CUX1: variants seen among roughly 807,000 people sequenced by gnomAD.
CUX1 encodes cut like homeobox 1, also known as protein CASP.
CUX1 carries 31 observed loss-of-function variants against 158.8 expected under a neutral mutation model. That is an observed-to-expected ratio of 0.20 (90% confidence interval 0.15 to 0.26). CUX1 has a LOEUF of 0.26. Among genes scored for constraint, CUX1 ranks in the 10% least tolerant of loss-of-function variants. The probability of loss-of-function intolerance (pLI) is 1.00; values close to 1 mark genes in which losing one functional copy is unlikely to be tolerated. For missense variants in CUX1, 1,589 were observed against 2,014.6 expected, an observed-to-expected ratio of 0.79 and a Z score of 4.04; for synonymous variants, 879 against 862.1, an observed-to-expected ratio of 1.02 and a Z score of -0.34.
chr7:102,260,657 C>A (rs1165770428), downstream of CUX1, among the ~76,000 whole-genome samples: 7 of 133,590 alleles, frequency 5.2e-5, no homozygotes, highest in Non-Finnish European at 1.5e-5. Context: ...CTCCTGACTT[C>A]AAGTGATCTG....
rs569075867 is a variant in CUX1 at position 102,166,056 on chromosome 7, G to A, written c.724-4390G>A. ...CCAAAAGGGTCTTCCATTTTGAGATGAGGAGGATGTGAGGTGTGCCTGGGG... is the reference window on the plus strand; with the variant it reads ...CCAAAAGGGTCTTCCATTTTGAGATAAGGAGGATGTGAGGTGTGCCTGGGG... On this transcript the variant is annotated intron_variant, in intron 9 of 23. Coordinates refer to ENST00000292535, the MANE Select transcript of CUX1 (RefSeq NM_181552.4). Among the ~76,000 whole-genome samples the A allele has an allele frequency of 6.9e-4, 105 of 152,284 alleles. No homozygotes were observed. The South Asian group carries it at 0.019, about 27-fold the overall frequency.
chr7:101,857,648 C>T (rs1009505570), intron 1 of CUX1, among the ~76,000 whole-genome samples: 4 of 152,220 alleles, frequency 2.6e-5, no homozygotes, highest in African/African-American at 7.2e-5. Flanking sequence ...CTGGCTGGGT[C>T]GGATGACCCC....
intron 2 of CUX1, among the ~76,000 whole-genome samples, chr7:101,936,913 C>G (rs1021561994): frequency 6.6e-6 from 1 of 152,204 alleles, no homozygotes; most frequent in East Asian, 1.9e-4. Context: ...ATAAAAACCT[C>G]CTGGGTGTGT....
chr7:102,090,324 T>C (rs1408492666), intron 4 of CUX1, among the ~76,000 whole-genome samples: 11 of 152,122 alleles, frequency 7.2e-5, no homozygotes, highest in Admixed American at 7.2e-4. Context: ...TGAGAAGGTA[T>C]TTGTTGAAAC....
chr7:101,956,059 G>A (rs576807003), intron 2 of CUX1, among the ~76,000 whole-genome samples: 6 of 142,264 alleles, frequency 4.2e-5, no homozygotes, highest in South Asian at 4.6e-4. Flanking sequence ...GCACATGCCT[G>A]TAGTCCCAGC....
At chr7:102,229,808 G>A (rs1308278526) in intron 21 of CUX1, among the ~76,000 whole-genome samples, 4 of 151,900 alleles carry the variant, frequency 2.6e-5, no homozygotes, top group African/African-American at 9.7e-5. Context: ...AGTAGAGACA[G>A]AGTTTCACCA....
rs774436894 is a variant in CUX1, at chr7:101,865,005, CT to C, written c.30+47344del. 1.1e-4 allele frequency among the ~76,000 whole-genome samples: 16 copies of C among 152,234 alleles called. No individual in the cohort carries two copies. In the East Asian group the frequency reaches 2.5e-3, roughly 24 times the overall value. On this transcript the variant is annotated intron_variant, in intron 1 of 23. Transcript: ENST00000292535. ...ACATGGTATTATTCATGATGTATAT[CT>C]TTTTTTTAAATGTTTTGTAGAATCG...
At chr7:102,130,106 C>A (rs1420438607) in intron 8 of CUX1, among the ~76,000 whole-genome samples, 44 of 152,184 alleles carry the variant, frequency 2.9e-4, no homozygotes, top group Admixed American at 2.9e-3. Context: ...AGGAATGTCT[C>A]CAATTGCCAG....
intron 1 of CUX1, among the ~76,000 whole-genome samples, chr7:101,889,392 G>T (rs867067012): frequency 5.3e-5 from 8 of 152,142 alleles, no homozygotes; most frequent in Non-Finnish European, 7.3e-5. Context: ...GGCCTTTGAG[G>T]CTGGAAAACA....
At chr7:101,997,591 G>A (rs942300319) in intron 2 of CUX1, among the ~76,000 whole-genome samples, 2 of 152,038 alleles carry the variant, frequency 1.3e-5, no homozygotes, top group African/African-American at 4.8e-5. Context: ...TGATCCTCCC[G>A]CCTCAGCCTC....
intron 2 of CUX1, among the ~76,000 whole-genome samples, chr7:102,002,745 G>A (rs1383221290): frequency 6.6e-6 from 1 of 152,150 alleles, no homozygotes; most frequent in Non-Finnish European, 1.5e-5. Context: ...AGTGCTCTCT[G>A]CAGATCTGTG....
rs1795391130 is a variant in CUX1, at chr7:102,201,146, G to A, written c.2063-214G>A. 6.6e-6 allele frequency among the ~76,000 whole-genome samples: 1 copy of A among 151,496 alleles called. No individual in the cohort carries two copies. Among genetic ancestry groups the A allele is most frequent in the Admixed American group, 6.6e-5 (1 of 15,170 alleles). ...CCTCTACATCTGTGTGTATACCAAA[G>A]GCCACCAGGTCATCAAGCTGTAGTG... On this transcript the variant is annotated intron_variant, in intron 17 of 23. Transcript: ENST00000292535. This position sits in a 1 kb window ranked among gnomAD's most constrained non-coding sequence, Gnocchi z 5.0.
intron 10 of CUX1, among the ~76,000 whole-genome samples, chr7:102,174,460 C>A (rs1028133829): frequency 6.6e-6 from 1 of 152,154 alleles, no homozygotes; most frequent in Non-Finnish European, 1.5e-5. Context: ...TCTCTGATTT[C>A]CTCTCTAGCT....
chr7:102,141,221 G>A (rs368071659), intron 8 of CUX1, among the ~76,000 whole-genome samples: 1 of 152,176 alleles, frequency 6.6e-6, no homozygotes, highest in Non-Finnish European at 1.5e-5. Flanking sequence ...CGGTGCCAGC[G>A]AGAGGAAGAG....
chr7:102,089,622 C>T (rs2130829459), intron 4 of CUX1, among the ~76,000 whole-genome samples: 1 of 152,366 alleles, frequency 6.6e-6, no homozygotes, highest in South Asian at 2.1e-4. Context: ...AGTCCTCCAG[C>T]CCTCAAACTG....
chr7:101,873,559 T>G (rs1371628375), intron 1 of CUX1, among the ~76,000 whole-genome samples: 1 of 152,150 alleles, frequency 6.6e-6, no homozygotes, highest in Non-Finnish European at 1.5e-5. Flanking sequence ...TATTGGGAGA[T>G]AGATGAAACA....
intron 2 of CUX1, among the ~76,000 whole-genome samples, chr7:101,963,263 C>T (rs1810732275): frequency 6.6e-6 from 1 of 152,168 alleles, no homozygotes; most frequent in Non-Finnish European, 1.5e-5. Flanking sequence ...GCCTGTCCTC[C>T]CCCTCACTGA....
rs180805206 is a variant in CUX1, at chr7:101,931,330, T to G, written c.141+15105T>G. Among the ~76,000 whole-genome samples, 184 of 152,292 alleles carry G rather than the reference T, an allele frequency of 1.2e-3. 1 individual carries two copies. The highest frequency in any genetic ancestry group is 3.4e-3 in the Middle Eastern group (1 of 294). The stretch of plus-strand genomic sequence containing the variant: ...GGAATGGGGTAAACCAGGAAGACTG[T>G]TGTGAGGGCTCAGTAACTTCAGGGA... On this transcript the variant is annotated intron_variant, in intron 2 of 23. Coordinates refer to ENST00000292535, the MANE Select transcript of CUX1 (RefSeq NM_181552.4).
chr7:102,141,705 C>T (rs568482935), intron 8 of CUX1, among the ~76,000 whole-genome samples: 5 of 152,146 alleles, frequency 3.3e-5, no homozygotes, highest in Middle Eastern at 3.4e-3. Context: ...TCACTTCAAC[C>T]TGTGCCTCCC....
Sources: allele counts gnomAD v4.1 joint callset (sites outside exome capture counted in the v4.1 genomes callset), GRCh38; gene constraint gnomAD v4.1.1; non-coding constraint Gnocchi (gnomAD v3.1); transcripts MANE v1.5; gene names NCBI Gene and HGNC (gene_info 2026-07-23, HGNC 2026-07-21).